The following NCAM2 variants were observed in gnomAD, a reference collection of about 807,000 sequenced individuals.
NCAM2 encodes N-CAM-2.
In NCAM2, 30 loss-of-function variants were observed where a neutral mutation model predicts 98.1. The observed-to-expected ratio is 0.31, with a 90% confidence interval of 0.23 to 0.41. The LOEUF is 0.41. Ranked by LOEUF, NCAM2 falls within the 10% of genes least tolerant of loss-of-function variation. The pLI is 1.00. For synonymous variants in NCAM2, 368 were observed against 342.4 expected, an observed-to-expected ratio of 1.07 and a Z score of -0.83; for missense variants, 867 against 1,005.8, an observed-to-expected ratio of 0.86 and a Z score of 1.87.
intron 1 of NCAM2, among the ~76,000 whole-genome samples, chr21:21,190,665 A>G (rs1489008373): frequency 6.6e-6 from 1 of 152,220 alleles, no homozygotes; most frequent in Non-Finnish European, 1.5e-5. Flanking sequence ...AGCCTAGTGC[A>G]GAAAGTGAGA....
chr21:21,121,154 A>G (rs1213281765), intron 1 of NCAM2, among the ~76,000 whole-genome samples: 1 of 152,194 alleles, frequency 6.6e-6, no homozygotes, highest in Non-Finnish European at 1.5e-5. Flanking sequence ...ATTTTCATAT[A>G]AAATATCTCA....
chr21:21,347,342 AG>A (rs2075218390), intron 8 of NCAM2, among the ~76,000 whole-genome samples: 1 of 152,034 alleles, frequency 6.6e-6, no homozygotes. Flanking sequence ...GAACCCCAAA[AG>A]ACTCAGAATA....
At chr21:21,146,120 T>A (rs2067268550) in intron 1 of NCAM2, among the ~76,000 whole-genome samples, 1 of 152,168 alleles carries the variant, frequency 6.6e-6, no homozygotes, top group Non-Finnish European at 1.5e-5. Context: ...TATGCCATTG[T>A]AAAAATTTTA....
chr21:21,080,859 A>G (rs1601309568), intron 1 of NCAM2, among the ~76,000 whole-genome samples: 1 of 151,956 alleles, frequency 6.6e-6, no homozygotes, highest in Non-Finnish European at 1.5e-5. Flanking sequence ...TGTTCGACCA[A>G]TGGGTATAAG....
At position 21,090,216 on chromosome 21, in the gene NCAM2, A is replaced by C. The variant is rs182036318; in HGVS notation, c.55+91598A>C. Among the ~76,000 whole-genome samples the C allele has an allele frequency of 9.0e-4, 137 of 152,260 alleles. 1 individual carries two copies. The highest frequency in any genetic ancestry group is 2.9e-3 in the African/African-American group (120 of 41,508). On this transcript the variant is annotated intron_variant, in intron 1 of 17. Coordinates refer to ENST00000400546, the MANE Select transcript of NCAM2 (RefSeq NM_004540.5). ...GGTTAAGAAGCACTGCTTTTCTCTT[A>C]TCTATTGTTGTCAGATATGCTGACT...
chr21:21,296,376 G>T (rs57360318), intron 5 of NCAM2, among the ~76,000 whole-genome samples: 1,997 of 151,900 alleles, frequency 0.013, 46 homozygotes, highest in African/African-American at 0.046. Flanking sequence ...GCAATAATAT[G>T]TTGCAGACAG....
intron 13 of NCAM2, among the ~76,000 whole-genome samples, chr21:21,467,412 G>GTATATATATATATCTTTATATA (rs1555902019): frequency 4.8e-5 from 2 of 41,442 alleles, no homozygotes; most frequent in East Asian, 2.2e-4. Flanking sequence ...TTGTATATGT[G>GTATATATATATATCTTTATATA]TATATATATA....
chr21:21,338,308 CT>C, intron 7 of NCAM2, 80 bp from the exon 8 acceptor site: 7 of 1,311,588 alleles, frequency 5.3e-6, no homozygotes, highest in Non-Finnish European at 7.6e-6. Context: ...CTATAGTAGA[CT>C]TAAACACCCA....
In NCAM2 at chr21:21,368,520, A is replaced by G. The variant is rs574609574; in HGVS notation, c.1045-5343A>G. Among the ~76,000 whole-genome samples, 25 of 151,970 alleles carry G rather than the reference A, an allele frequency of 1.6e-4. 1 individual carries two copies. The South Asian group carries it at 5.2e-3, about 32-fold the overall frequency. Reference sequence around the variant, plus strand: ...TATAAACAACAGAAATTTATTTCTCACAGTTCTAGAGACTGGGAAGTCCAA... The same window carrying G: ...TATAAACAACAGAAATTTATTTCTCGCAGTTCTAGAGACTGGGAAGTCCAA... On this transcript the variant is annotated intron_variant, in intron 8 of 17. Coordinates refer to ENST00000400546, the MANE Select transcript of NCAM2 (RefSeq NM_004540.5).
In NCAM2 at chr21:21,248,738, C is replaced by G. The variant is rs970395936; in HGVS notation, c.56-31840C>G. The stretch of plus-strand genomic sequence containing the variant: ...CTTGCAGTGAGCTGAGATTGTGCCA[C>G]TGCATTCCAGCCTGGGCAACAGAGC... On this transcript the variant is annotated intron_variant, in intron 1 of 17. Transcript: ENST00000400546. Among the ~76,000 whole-genome samples, 6 of 115,478 alleles carry G rather than the reference C, an allele frequency of 5.2e-5. No individual in the cohort carries two copies. The East Asian group carries it at 1.8e-3, about 34-fold the overall frequency. The allele number at this position is 115,478 out of a possible 152,430, so 75.8% of individuals were successfully genotyped here.
intron 1 of NCAM2, among the ~76,000 whole-genome samples, chr21:21,119,325 C>G (rs1350435566): frequency 2.6e-5 from 4 of 152,088 alleles, no homozygotes; most frequent in African/African-American, 9.7e-5. Context: ...CTTAAATTAG[C>G]CGACTATGAG....
intron 1 of NCAM2, among the ~76,000 whole-genome samples, chr21:21,050,883 C>T (rs4816842): frequency 0.94 from 143,172 of 152,222 alleles, 67,940 homozygotes; most frequent in East Asian, 1. Flanking sequence ...AACATGATTA[C>T]AATATCAAAA....
At chr21:21,493,484 C>A (rs935752508) in intron 15 of NCAM2, among the ~76,000 whole-genome samples, 1 of 151,926 alleles carries the variant, frequency 6.6e-6, no homozygotes, top group African/African-American at 2.4e-5. Flanking sequence ...CACAACCTTC[C>A]TGATAATGAA....
chr21:21,392,144 G>T lies in NCAM2; in HGVS notation c.1196-18130G>T, dbSNP rs527976400. Among the ~76,000 whole-genome samples the T allele has an allele frequency of 7.2e-5, 11 of 152,146 alleles. No individual in the cohort carries two copies. The East Asian group carries it at 1.7e-3, about 24-fold the overall frequency. The stretch of plus-strand genomic sequence containing the variant: ...AGTTCCCAGTGTGTGTTGTTCCCCT[G>T]TATGTGTCCATGTATTCTCATCATT... On this transcript the variant is annotated intron_variant, in intron 9 of 17. Coordinates refer to ENST00000400546, the MANE Select transcript of NCAM2 (RefSeq NM_004540.5).
At chr21:21,139,824 AT>A (rs1218835795) in intron 1 of NCAM2, among the ~76,000 whole-genome samples, 1 of 152,138 alleles carries the variant, frequency 6.6e-6, no homozygotes, top group African/African-American at 2.4e-5. Flanking sequence ...TAATACCATT[AT>A]TTATTAAACT....
At chr21:21,378,411 C>T (rs776637496) in intron 9 of NCAM2, among the ~76,000 whole-genome samples, 1 of 151,972 alleles carries the variant, frequency 6.6e-6, no homozygotes, top group Non-Finnish European at 1.5e-5. Flanking sequence ...AATTTGCATT[C>T]CCCTAATGAT....
At chr21:21,120,355 AC>A (rs560997902) in intron 1 of NCAM2, among the ~76,000 whole-genome samples, 1,546 of 151,840 alleles carry the variant, frequency 0.01, 25 homozygotes, top group African/African-American at 0.031. Context: ...GACTTAAAAA[AC>A]AAATCAAGTG....
chr21:21,190,386 C>T (rs1258455810), intron 1 of NCAM2, among the ~76,000 whole-genome samples: 2 of 152,170 alleles, frequency 1.3e-5, no homozygotes, highest in African/African-American at 4.8e-5. Flanking sequence ...CCTCTCTTAT[C>T]TACCCACCCA....
rs1317792528 is a variant in NCAM2 at position 21,268,117 on chromosome 21, C to T, written c.56-12461C>T. Among the ~76,000 whole-genome samples the T allele has an allele frequency of 4.6e-5, 7 of 152,074 alleles. No individual in the cohort carries two copies. In the East Asian group the frequency reaches 5.8e-4, roughly 13 times the overall value. On this transcript the variant is annotated intron_variant, in intron 1 of 17. Transcript: ENST00000400546. ...ATTCCTGGTGAATATGTGGTTTGCA[C>T]GCATGACTCGGTCTAAGTCAAGGGG... is the stretch of plus-strand genomic sequence containing the variant.
Sources: gnomAD v4.1 joint callset for allele counts (sites outside exome capture counted in the v4.1 genomes callset) on GRCh38, gnomAD v4.1.1 for gene constraint, MANE v1.5 for transcripts, NCBI Gene and HGNC (gene_info 2026-07-23, HGNC 2026-07-21) for gene names.